The following DCAF6 variants were observed in gnomAD, a reference collection of about 807,000 sequenced individuals.
The protein encoded by DCAF6 is DDB1- and CUL4-associated factor 6.
In DCAF6, 54 loss-of-function variants were observed where a neutral mutation model predicts 125.1. That is an observed-to-expected ratio of 0.43 (90% CI 0.35 to 0.54). The LOEUF (loss-of-function observed/expected upper bound fraction) is 0.54, where lower values mean the gene tolerates loss of function less well. DCAF6 is among the 20% of genes least tolerant of loss of function. DCAF6 has a pLI of 0.01. For missense variants in DCAF6, 934 were observed against 1,161.7 expected, an observed-to-expected ratio of 0.80 and a Z score of 2.85; for synonymous variants, 371 against 390.4, an observed-to-expected ratio of 0.95 and a Z score of 0.58.
chr1:167,900,595 C>T, the DCAF6 span, among the ~76,000 whole-genome samples: 2 of 151,802 alleles, frequency 1.3e-5, no homozygotes, highest in Admixed American at 1.3e-4. Context: ...TGCAATGGCG[C>T]CATCTCGGCT....
upstream of DCAF6, chr1:167,936,164 G>T: frequency 6.5e-6 from 2 of 308,544 alleles, no homozygotes; most frequent in Non-Finnish European, 6.2e-6. Context: ...CTGGCAGCGC[G>T]CTTGCGCAGG....
At chr1:167,880,328 G>C in the DCAF6 span, 1 of 998,168 alleles carries the variant, frequency 1.0e-6, no homozygotes, top group South Asian at 1.3e-5. Context: ...ATTAGTTTAT[G>C]GCATTTCTAC....
chr1:167,955,467 C>G (rs1341421044), intron 2 of DCAF6, among the ~76,000 whole-genome samples: 2 of 150,396 alleles, frequency 1.3e-5, no homozygotes, highest in South Asian at 4.2e-4. Context: ...TAAAGACATT[C>G]TAACAGGCAT....
At chr1:168,074,598 A>G (rs889651691) in intron 21 of DCAF6, among the ~76,000 whole-genome samples, 10 of 152,166 alleles carry the variant, frequency 6.6e-5, no homozygotes, top group African/African-American at 2.4e-4. Flanking sequence ...CATGCAAACG[A>G]CTATTACTGT....
chr1:167,983,907 A>T (rs1402122761), intron 4 of DCAF6, among the ~76,000 whole-genome samples: 1 of 152,172 alleles, frequency 6.6e-6, no homozygotes, highest in Non-Finnish European at 1.5e-5. Context: ...CAGGGAACTT[A>T]AGGACAGATT....
chr1:167,991,116 T>C, intron 5 of DCAF6, 88 bp from the exon 6 acceptor site: 2 of 1,146,970 alleles, frequency 1.7e-6, no homozygotes, highest in Non-Finnish European at 2.4e-6. Context: ...AGAATGGTTA[T>C]TCTAATTACT....
At chr1:167,973,319 T>G (rs1422664422) in intron 3 of DCAF6, among the ~76,000 whole-genome samples, 2 of 152,188 alleles carry the variant, frequency 1.3e-5, no homozygotes, top group Non-Finnish European at 2.9e-5. Context: ...GTTATATAAT[T>G]TATTCCCTTA....
chr1:167,920,774 T>C, the DCAF6 span: 1 of 842,164 alleles, frequency 1.2e-6, no homozygotes. Flanking sequence ...AAAATGTAGA[T>C]TACAACAAAA....
chr1:167,978,667 G>A (rs1301157086), intron 4 of DCAF6, among the ~76,000 whole-genome samples: 2 of 151,996 alleles, frequency 1.3e-5, no homozygotes, highest in East Asian at 3.9e-4. Context: ...TCTCCTAGTG[G>A]TGGGGGAGGG....
chr1:167,879,319 A>G, the DCAF6 span, among the ~76,000 whole-genome samples: 1 of 152,224 alleles, frequency 6.6e-6, no homozygotes, highest in Non-Finnish European at 1.5e-5. Context: ...ATCACTTTCA[A>G]CAGCAGCTGG....
Position 168,013,764 on chromosome 1 carries a change from T to C in DCAF6, c.1379-2017T>C, listed in dbSNP as rs114063955. ...CTCTTGATTATTATTATTATTATTT[T>C]TTGGTGGGTCTTCCTCTGTTGCCCG... On this transcript the variant is annotated intron_variant, in intron 10 of 21. Coordinates refer to ENST00000367840, the MANE Select transcript of DCAF6 (RefSeq NM_001198956.2). Among the ~76,000 whole-genome samples the C allele has an allele frequency of 5.4e-3, 825 of 152,166 alleles. 7 individuals are homozygous for C. Among genetic ancestry groups the C allele is most frequent in the African/African-American group, 0.018 (751 of 41,480 alleles).
chr1:167,919,103 T>C, the DCAF6 span, among the ~76,000 whole-genome samples: 1 of 152,154 alleles, frequency 6.6e-6, no homozygotes, highest in South Asian at 2.1e-4. Context: ...TAAAGTAAAA[T>C]ATACTAAAGT....
chr1:168,011,713 C>T (rs1156757565), intron 10 of DCAF6, among the ~76,000 whole-genome samples: 1 of 152,118 alleles, frequency 6.6e-6, no homozygotes, highest in East Asian at 1.9e-4. Context: ...TGTGGTAGCT[C>T]ATGCCTGTAA....
intron 2 of DCAF6, among the ~76,000 whole-genome samples, chr1:167,957,567 A>G (rs1242580447): frequency 1.3e-5 from 2 of 152,120 alleles, no homozygotes; most frequent in African/African-American, 4.8e-5. Context: ...TTTTTTGGCA[A>G]TTATGAATAA....
the DCAF6 span, chr1:167,899,604 A>T: frequency 2.0e-5 from 32 of 1,613,950 alleles, no homozygotes; most frequent in Non-Finnish European, 2.5e-5. Context: ...AAAGACCAAC[A>T]TGCTGATGTG....
At chr1:167,928,362 A>G in the DCAF6 span, among the ~76,000 whole-genome samples, 1 of 151,728 alleles carries the variant, frequency 6.6e-6, no homozygotes, top group Non-Finnish European at 1.5e-5. Context: ...ACAAAATTTT[A>G]AAGAAAACTT....
the DCAF6 span, among the ~76,000 whole-genome samples, chr1:167,886,888 T>G: frequency 6.6e-6 from 1 of 152,154 alleles, no homozygotes; most frequent in Non-Finnish European, 1.5e-5. Context: ...GGGCAAAGGA[T>G]ATGAACAGAC....
chr1:167,880,238 G>C, the DCAF6 span: 21 of 1,504,860 alleles, frequency 1.4e-5, no homozygotes, highest in East Asian at 4.5e-4. Flanking sequence ...TAAAGATAAT[G>C]AGCGTAGAGA....
At chr1:167,942,394 T>C (rs1177831671) in intron 1 of DCAF6, among the ~76,000 whole-genome samples, 3 of 150,514 alleles carry the variant, frequency 2.0e-5, no homozygotes, top group Non-Finnish European at 4.4e-5. Flanking sequence ...TGGTTAATGA[T>C]GTTGAGTATC....
Sources: allele counts gnomAD v4.1 joint callset (sites outside exome capture counted in the v4.1 genomes callset), GRCh38; gene constraint gnomAD v4.1.1; transcripts MANE v1.5; gene names NCBI Gene and HGNC (gene_info 2026-07-23, HGNC 2026-07-21).